ATP1A2: variants seen among roughly 807,000 people sequenced by gnomAD.
The protein encoded by ATP1A2 is ATPase Na+/K+ transporting subunit alpha 2.
A neutral mutation model predicts 113.1 loss-of-function variants in ATP1A2; 56 were observed. The ratio of observed to expected loss-of-function variants is 0.49; its 90% CI spans 0.40 to 0.62. The LOEUF (loss-of-function observed/expected upper bound fraction) is 0.62, where lower values mean the gene tolerates loss of function less well. Among genes scored for constraint, ATP1A2 ranks in the 20% least tolerant of loss-of-function variants. The pLI, the probability that ATP1A2 is intolerant of heterozygous loss-of-function variation, is 0.00. For synonymous variants in ATP1A2, 490 were observed against 526.8 expected, an observed-to-expected ratio of 0.93 and a Z score of 0.96; for missense variants, 712 against 1,357.8, an observed-to-expected ratio of 0.52 and a Z score of 7.47.
Position 160,135,686 on chromosome 1 carries a change from A to G in ATP1A2, c.2284+84A>G. On this transcript the variant is annotated intron_variant, in intron 16 of 22. Transcript: ENST00000361216. The surrounding 1 kb of genome is among the most constrained non-coding windows in gnomAD (Gnocchi z 6.3). ...CCCTGTCCCTTTACCCCAGTTGAAG[A>G]ATCATTCCACAACTCTAGGCAGCCC... The G allele has an allele frequency of 6.2e-7, 1 of 1,611,438 alleles. No homozygotes were observed. The highest frequency in any genetic ancestry group is 2.2e-5 in the East Asian group (1 of 44,826).
In ATP1A2 at chr1:160,116,541, ACC is replaced by A. The variant is rs11331051; in HGVS notation, c.12+677_12+678del. Reference sequence around the variant, plus strand: ...CTTTCCCAGAGGCTGGTGACAGGTGACCCCCCCCCCAGTCCACCCGTCCATGG... The same window carrying A: ...CTTTCCCAGAGGCTGGTGACAGGTGACCCCCCCCAGTCCACCCGTCCATGG... On this transcript the variant is annotated intron_variant, in intron 1 of 22. Transcript: ENST00000361216. 1.5e-3 allele frequency among the ~76,000 whole-genome samples: 230 copies of A among 149,338 alleles called. 2 individuals are homozygous for A. In the South Asian group the frequency reaches 0.017, roughly 11 times the overall value.
At position 160,128,388 on chromosome 1, in the gene ATP1A2, AC is replaced by A. The variant is rs754530656; in HGVS notation, c.1018-263del. The A allele has an allele frequency of 1.1e-5, 10 of 939,906 alleles. No homozygotes were observed. In the South Asian group the frequency reaches 1.4e-4, roughly 13 times the overall value. The allele number at this position is 939,906 out of a possible 1,614,324, so 58.2% of individuals were successfully genotyped here. A position where few individuals can be genotyped will look rare whatever the true frequency, so the allele number is the denominator to read the frequency against. On this transcript the variant is annotated intron_variant, in intron 8 of 22. Coordinates refer to ENST00000361216, the MANE Select transcript of ATP1A2 (RefSeq NM_000702.4). ...TGTCCCTTCTGTGTTGATGACTCAG[AC>A]ATCCCTATGCTCAGCTCTGCTCTGG...
chr1:160,133,162 G>A (rs1450520499), intron 13 of ATP1A2, among the ~76,000 whole-genome samples: 1 of 152,116 alleles, frequency 6.6e-6, no homozygotes, highest in Non-Finnish European at 1.5e-5. Flanking sequence ...GCAGAGGAGT[G>A]GAGGGAAAAC....
chr1:160,120,178 G>A (rs926829006), intron 1 of ATP1A2, among the ~76,000 whole-genome samples: 2 of 152,178 alleles, frequency 1.3e-5, no homozygotes, highest in African/African-American at 4.8e-5. Flanking sequence ...TGTGCTTTGG[G>A]GGTCCAGTCC....
At chr1:160,132,759 C>T (rs1651810640) in intron 13 of ATP1A2, among the ~76,000 whole-genome samples, 1 of 152,082 alleles carries the variant, frequency 6.6e-6, no homozygotes, top group Non-Finnish European at 1.5e-5. Context: ...TGGTTTAGAG[C>T]TCATGAAAGA....
rs1063125 is a variant in ATP1A2, at chr1:160,128,753, G to A, written c.1119G>A (p.Ser373=). 0.19 allele frequency: 312,905 copies of A among 1,613,918 alleles called. 31,710 individuals are homozygous for A. The highest frequency in any genetic ancestry group is 0.32 in the South Asian group (28,891 of 91,064). The change falls in exon 9 of 23, where the codon TCG becomes TCA. Residue 373 remains serine (S), a synonymous_variant. Coordinates refer to ENST00000361216, the MANE Select transcript of ATP1A2 (RefSeq NM_000702.4). The part of the protein sequence containing the change: ...ETLGSTSTIC[S]DKTGTLTQNR... ...TGGGCTCCACGTCCACCATCTGCTCGGACAAGACGGGCACCCTCACCCAGA... is the reference window on the plus strand; with the variant it reads ...TGGGCTCCACGTCCACCATCTGCTCAGACAAGACGGGCACCCTCACCCAGA...
At chr1:160,137,257 T>A (rs1165528670) in intron 20 of ATP1A2, 1 of 633,334 alleles carries the variant, frequency 1.6e-6, no homozygotes, top group Non-Finnish European at 2.7e-6. Flanking sequence ...CTTTCTTCTC[T>A]CCTTCTCTCC....
At chr1:160,129,727 C>A (rs996791701) in intron 11 of ATP1A2, among the ~76,000 whole-genome samples, 2 of 152,158 alleles carry the variant, frequency 1.3e-5, no homozygotes, top group African/African-American at 2.4e-5. Context: ...TGCCCCTTAG[C>A]CTTTAGGCAC....
intron 3 of ATP1A2, among the ~76,000 whole-genome samples, chr1:160,122,051 G>A (rs1651416082): frequency 6.6e-6 from 1 of 152,178 alleles, no homozygotes; most frequent in Non-Finnish European, 1.5e-5. Flanking sequence ...AGAATGGCTT[G>A]AACCCAGGAG....
Position 160,124,392 on chromosome 1 carries a change from C to T in ATP1A2, c.592C>T (p.Pro198Ser). 1 of 1,612,188 alleles carries T rather than the reference C, an allele frequency of 6.2e-7. No homozygotes were observed. Among genetic ancestry groups the T allele is most frequent in the Non-Finnish European group, 8.5e-7 (1 of 1,179,344 alleles). The change falls in exon 6 of 23, where the codon CCT becomes TCT. Residue 198 changes from proline to serine, a missense_variant. Pro to Ser is a moderately conservative substitution (Grantham distance 74). Coordinates refer to ENST00000361216, the MANE Select transcript of ATP1A2 (RefSeq NM_000702.4). ...GGAGGTGAAGGGTGGAGACCGCGTC[C>T]CTGCTGACCTCCGGATCATCTCTTC... ...LVEVKGGDRV[P>S]ADLRIISSHG...
In ATP1A2 at chr1:160,120,976, A is replaced by T. The variant is rs1377838920; in HGVS notation, c.83A>T (p.Lys28Met). Residue 28 changes from lysine to methionine, a missense_variant, in exon 2 of 23, where the codon AAG becomes ATG. By Grantham distance (95) the Lys-to-Met change is moderately conservative. This residue lies in a region of ATP1A2 where 109 missense variants were observed against 162.3 expected (regional missense o/e 0.67). Transcript: ENST00000361216. ...NGGGKKKQKE[K>M]ELDELKKEVA... is the part of the protein sequence containing the mutation. ...GGCGGCAAGAAGAAACAGAAGGAGAAGGAACTGGATGAGCTGAAGAAGGAG... is the reference window on the plus strand; with the variant it reads ...GGCGGCAAGAAGAAACAGAAGGAGATGGAACTGGATGAGCTGAAGAAGGAG... 3 of 1,613,724 alleles carry T rather than the reference A, an allele frequency of 1.9e-6. No homozygotes were observed. The East Asian group carries it at 6.7e-5, about 36-fold the overall frequency.
chr1:160,127,925 A>C (rs564401369), intron 8 of ATP1A2, 105 bp downstream of exon 8: 1 of 1,453,138 alleles, frequency 6.9e-7, no homozygotes, highest in Non-Finnish European at 9.2e-7. Flanking sequence ...TTTTCCCCCT[A>C]GAGTCACTTA....
At chr1:160,137,243 C>A (rs990326458) in intron 20 of ATP1A2, 20 of 715,010 alleles carry the variant, frequency 2.8e-5, no homozygotes, top group Non-Finnish European at 4.1e-5. Context: ...TTGTCTCTCT[C>A]CACCTTTCTT....
At position 160,116,659 on chromosome 1, in the gene ATP1A2, A is replaced by G. The variant is rs1482338755; in HGVS notation, c.12+786A>G. Among the ~76,000 whole-genome samples the G allele has an allele frequency of 2.6e-5, 4 of 152,228 alleles. No homozygotes were observed. The South Asian group carries it at 6.2e-4, about 24-fold the overall frequency. On this transcript the variant is annotated intron_variant, in intron 1 of 22. Coordinates refer to ENST00000361216, the MANE Select transcript of ATP1A2 (RefSeq NM_000702.4). ...TTGAATTCTTGGAAATGAAATTCCC[A>G]TATGGAGAAGAGTGGCCCAATCCTT...
chr1:160,134,353 G>A lies in ATP1A2; in HGVS notation c.1828-131G>A, dbSNP rs1570993161. ...CCTGCCCACAGACGCACACACACAT[G>A]CCCTTATTTCGGTTGGGATCTGCCA... On this transcript the variant is annotated intron_variant, in intron 13 of 22. Coordinates refer to ENST00000361216, the MANE Select transcript of ATP1A2 (RefSeq NM_000702.4). 16 of 1,305,680 alleles carry A rather than the reference G, an allele frequency of 1.2e-5. No homozygotes were observed. In the South Asian group the frequency reaches 1.6e-4, roughly 13 times the overall value. 80.9% of individuals were successfully genotyped at this position (1,305,680 alleles called of 1,614,324 possible).
Position 160,120,947 on chromosome 1 carries a change from T to C in ATP1A2, c.54T>C (p.Asn18=), listed in dbSNP as rs1281283645. The C allele has an allele frequency of 1.2e-6, 2 of 1,611,046 alleles. No individual in the cohort carries two copies. The highest frequency in any genetic ancestry group is 1.7e-6 in the Non-Finnish European group (2 of 1,178,588). Residue 18 remains asparagine, a synonymous_variant, in exon 2 of 23, where the codon AAT becomes AAC. Coordinates refer to ENST00000361216, the MANE Select transcript of ATP1A2 (RefSeq NM_000702.4). The part of the protein sequence containing the change: ...EYSPAATTAE[N]GGGKKKQKEK... ...CACCTGCCGCCACCACGGCAGAGAA[T>C]GGGGGCGGCAAGAAGAAACAGAAGG...
In ATP1A2 at chr1:160,133,064, G is replaced by T. The variant is rs377597750; in HGVS notation, c.1828-1420G>T. On this transcript the variant is annotated intron_variant, in intron 13 of 22. Transcript: ENST00000361216. ...GGTGCTGTAGCTGGAGAAGGTCGGT[G>T]TTTAAACTTGAGCCCCTCATTCAAC... 9.9e-5 allele frequency among the ~76,000 whole-genome samples: 15 copies of T among 152,156 alleles called. No individual in the cohort carries two copies. In the East Asian group the frequency reaches 2.3e-3, roughly 24 times the overall value.
chr1:160,139,529 A>G, intron 20 of ATP1A2, 111 bp from the exon 21 acceptor site: 1 of 909,864 alleles, frequency 1.1e-6, no homozygotes, highest in Non-Finnish European at 1.8e-6. Flanking sequence ...AAGACATGCG[A>G]CTATGTCGTT....
intron 1 of ATP1A2, among the ~76,000 whole-genome samples, chr1:160,120,013 C>G (rs1325025864): frequency 6.6e-6 from 1 of 151,214 alleles, no homozygotes; most frequent in African/African-American, 2.4e-5. Flanking sequence ...AGAGTGAGAC[C>G]CTGTCTCAAG....
Sources: gnomAD v4.1 joint callset for allele counts (sites outside exome capture counted in the v4.1 genomes callset) on GRCh38, gnomAD v4.1.1 for gene constraint, gnomAD v4.1.1 regional missense constraint, Gnocchi (gnomAD v3.1) non-coding constraint, MANE v1.5 for transcripts, NCBI Gene and HGNC (gene_info 2026-07-23, HGNC 2026-07-21) for gene names.